Variants in NRG3 observed in about 807,000 individuals in gnomAD.
NRG3 encodes the protein neuregulin 3.
A neutral mutation model predicts 66.9 loss-of-function variants in NRG3; 31 were observed. That is an observed-to-expected ratio of 0.46 (90% CI 0.35 to 0.63). NRG3 has a LOEUF of 0.63. Ranked by LOEUF, NRG3 falls within the 20% of genes least tolerant of loss-of-function variation. The pLI is 0.00. For missense variants in NRG3, 910 were observed against 878.9 expected (o/e 1.04, Z -0.45); for synonymous variants, 393 against 359.4 (o/e 1.09, Z -1.06).
intron 6 of NRG3, among the ~76,000 whole-genome samples, chr10:82,963,555 C>T (rs986508729): frequency 1.2e-4 from 19 of 152,294 alleles, no homozygotes; most frequent in African/African-American, 4.6e-4. Flanking sequence ...TGGCTGACGC[C>T]TGTAGTCCCA....
chr10:82,828,590 G>A (rs866349229), intron 3 of NRG3, among the ~76,000 whole-genome samples: 11 of 152,212 alleles, frequency 7.2e-5, no homozygotes, highest in Admixed American at 1.3e-4. Context: ...CCTAAGTCTT[G>A]CAGTTACAAG....
At chr10:82,336,222 A>G (rs1348536035) in intron 1 of NRG3, among the ~76,000 whole-genome samples, 2 of 152,164 alleles carry the variant, frequency 1.3e-5, no homozygotes, top group African/African-American at 4.8e-5. Context: ...AAGTCACACC[A>G]GTAGAAGAGA....
intron 2 of NRG3, among the ~76,000 whole-genome samples, chr10:82,469,294 G>A (rs376469919): frequency 2.0e-4 from 30 of 152,074 alleles, no homozygotes; most frequent in East Asian, 1.9e-3. Flanking sequence ...TTTACAAAGC[G>A]TTGAGACAAG....
intron 2 of NRG3, among the ~76,000 whole-genome samples, chr10:82,670,371 C>T (rs535411960): frequency 6.6e-6 from 1 of 152,304 alleles, no homozygotes; most frequent in South Asian, 2.1e-4. Flanking sequence ...CACACACAAA[C>T]TCATTTTTGT....
chr10:82,607,715 C>T (rs1439739402), intron 2 of NRG3, among the ~76,000 whole-genome samples: 1 of 151,684 alleles, frequency 6.6e-6, no homozygotes, highest in African/African-American at 2.4e-5. Context: ...CATTTTCTTC[C>T]TCCTCTCTTA....
intron 1 of NRG3, among the ~76,000 whole-genome samples, chr10:82,001,427 C>T (rs989790250): frequency 6.6e-6 from 1 of 151,824 alleles, no homozygotes; most frequent in African/African-American, 2.4e-5. Context: ...TGCTTAAACT[C>T]AGGAGGCAGA....
intron 1 of NRG3, among the ~76,000 whole-genome samples, chr10:82,073,458 G>T (rs1416967063): frequency 6.6e-6 from 1 of 152,034 alleles, no homozygotes; most frequent in East Asian, 1.9e-4. Flanking sequence ...GTGTTATTTT[G>T]ACATTCTGTA....
intron 1 of NRG3, among the ~76,000 whole-genome samples, chr10:82,068,569 G>C (rs2064622574): frequency 6.6e-6 from 1 of 152,172 alleles, no homozygotes; most frequent in South Asian, 2.1e-4. Flanking sequence ...AAGAGGCACA[G>C]GATGCTGTAA....
chr10:82,290,836 G>T (rs1397580108), intron 1 of NRG3, among the ~76,000 whole-genome samples: 1 of 151,222 alleles, frequency 6.6e-6, no homozygotes, highest in Non-Finnish European at 1.5e-5. Flanking sequence ...GTAGAGACGG[G>T]GTTTCACCAT....
At chr10:82,660,775 T>C (rs1241673246) in intron 2 of NRG3, among the ~76,000 whole-genome samples, 2 of 152,168 alleles carry the variant, frequency 1.3e-5, no homozygotes, top group African/African-American at 4.8e-5. Context: ...ATTAATAATA[T>C]ATTTTGCTTA....
At chr10:82,976,945 G>A (rs958400115) in intron 7 of NRG3, among the ~76,000 whole-genome samples, 2 of 152,146 alleles carry the variant, frequency 1.3e-5, no homozygotes, top group Non-Finnish European at 2.9e-5. Context: ...CTGGGGCACA[G>A]CAGTCTCATT....
chr10:82,232,616 C>A (rs1456151760), intron 1 of NRG3: 6 of 605,764 alleles, frequency 9.9e-6, no homozygotes, highest in South Asian at 2.1e-5. Context: ...TCTTTTGCTG[C>A]ATCTATAAAT....
At position 82,779,143 on chromosome 10, in the gene NRG3, T is replaced by C. The variant is rs561854651; in HGVS notation, c.1027+40493T>C. On this transcript the variant is annotated intron_variant, in intron 3 of 8. Coordinates refer to ENST00000372141, the MANE Select transcript of NRG3 (RefSeq NM_001010848.4). Reference sequence around the variant, plus strand: ...ACAGGGGGTGGGGTGCAATGTGAGATCTTTTAGAGTAGTGCAGCCATGTGA... The same window carrying C: ...ACAGGGGGTGGGGTGCAATGTGAGACCTTTTAGAGTAGTGCAGCCATGTGA... Among the ~76,000 whole-genome samples the C allele has an allele frequency of 1.2e-4, 18 of 152,096 alleles. No homozygotes were observed. The East Asian group carries it at 1.4e-3, about 11-fold the overall frequency.
chr10:82,734,798 G>T (rs2058075066), intron 2 of NRG3, among the ~76,000 whole-genome samples: 1 of 152,032 alleles, frequency 6.6e-6, no homozygotes, highest in Non-Finnish European at 1.5e-5. Context: ...CAGGAGGATT[G>T]CTTGAGGCCA....
intron 3 of NRG3, among the ~76,000 whole-genome samples, chr10:82,801,402 T>C (rs2061030645): frequency 6.6e-6 from 1 of 152,160 alleles, no homozygotes; most frequent in African/African-American, 2.4e-5. Context: ...GAAAAACATC[T>C]TTCTTTTTCT....
At chr10:82,468,636 T>C (rs1840926543) in intron 2 of NRG3, among the ~76,000 whole-genome samples, 1 of 152,200 alleles carries the variant, frequency 6.6e-6, no homozygotes, top group Admixed American at 6.5e-5. Flanking sequence ...CAGAGAATTA[T>C]GTGAGGAGGG....
chr10:82,226,660 A>G (rs941145140), intron 1 of NRG3, among the ~76,000 whole-genome samples: 1 of 152,158 alleles, frequency 6.6e-6, no homozygotes, highest in African/African-American at 2.4e-5. Context: ...TGCATGCTAT[A>G]TGTTTGAATC....
At chr10:82,618,333 AAT>A (rs1206049817) in intron 2 of NRG3, among the ~76,000 whole-genome samples, 1 of 151,460 alleles carries the variant, frequency 6.6e-6, no homozygotes, top group Admixed American at 6.6e-5. Flanking sequence ...GACGGGGGGG[AAT>A]TTATGCGGGG....
intron 2 of NRG3, among the ~76,000 whole-genome samples, chr10:82,592,308 C>T (rs1440549926): frequency 1.3e-5 from 2 of 152,144 alleles, no homozygotes; most frequent in East Asian, 3.9e-4. Context: ...TCCTGAGGGT[C>T]ACCAGTCCAA....
Sources: allele counts gnomAD v4.1 joint callset (sites outside exome capture counted in the v4.1 genomes callset), GRCh38; gene constraint gnomAD v4.1.1; transcripts MANE v1.5; gene names NCBI Gene and HGNC (gene_info 2026-07-23, HGNC 2026-07-21).